The following CTNNA3 variants were observed in gnomAD, a reference collection of about 807,000 sequenced individuals.
CTNNA3 encodes the protein catenin alpha-3.
A neutral mutation model predicts 95.7 loss-of-function variants in CTNNA3; 76 were observed. The observed-to-expected ratio is 0.79, with a 90% CI of 0.66 to 0.96. The LOEUF (loss-of-function observed/expected upper bound fraction) is 0.96, where lower values mean the gene tolerates loss of function less well. Ranked by LOEUF, CTNNA3 falls within the 40% of genes least tolerant of loss-of-function variation. The pLI is 0.00. For synonymous variants in CTNNA3, 431 were observed against 374.4 expected, an observed-to-expected ratio of 1.15 and a Z score of -1.74; for missense variants, 1,191 against 1,089.8, an observed-to-expected ratio of 1.09 and a Z score of -1.31.
chr10:67,118,994 A>T (rs530348675), intron 7 of CTNNA3, among the ~76,000 whole-genome samples: 1 of 151,928 alleles, frequency 6.6e-6, no homozygotes, highest in Non-Finnish European at 1.5e-5. Context: ...TAACTTAGAT[A>T]CTTCCCCAAA....
chr10:66,966,071 C>T (rs916144375), intron 7 of CTNNA3, among the ~76,000 whole-genome samples: 2 of 152,094 alleles, frequency 1.3e-5, no homozygotes, highest in South Asian at 2.1e-4. Flanking sequence ...ACTTGAGAGG[C>T]CTGTACCTCA....
chr10:66,007,244 A>G (rs779270712), intron 15 of CTNNA3, among the ~76,000 whole-genome samples: 17 of 152,276 alleles, frequency 1.1e-4, no homozygotes, highest in Non-Finnish European at 2.2e-4. Flanking sequence ...CAATTTTTAA[A>G]GGGTACAATT....
chr10:67,079,412 T>G (rs1856918019), intron 7 of CTNNA3, among the ~76,000 whole-genome samples: 1 of 152,194 alleles, frequency 6.6e-6, no homozygotes, highest in African/African-American at 2.4e-5. Context: ...GCAATCTACA[T>G]AAAACATTTA....
intron 13 of CTNNA3, among the ~76,000 whole-genome samples, chr10:66,175,905 G>A (rs1029705500): frequency 3.9e-5 from 6 of 152,148 alleles, no homozygotes; most frequent in East Asian, 1.9e-4. Flanking sequence ...AATTATCTGC[G>A]CTGACAACTC....
At position 66,144,206 on chromosome 10, in the gene CTNNA3, G is replaced by A. The variant is rs181986102; in HGVS notation, c.1885-40957C>T. 5.1e-4 allele frequency among the ~76,000 whole-genome samples: 77 copies of A among 152,094 alleles called. 1 individual carries two copies. The East Asian group carries it at 0.012, about 24-fold the overall frequency. Reference sequence around the variant, plus strand: ...AATTGAGAGCAAAATGGAATTTATCGCAACTACCTCATGCATTTTTTCTTA... The same window carrying A: ...AATTGAGAGCAAAATGGAATTTATCACAACTACCTCATGCATTTTTTCTTA... On this transcript the variant is annotated intron_variant, in intron 13 of 17. Coordinates refer to ENST00000433211, the MANE Select transcript of CTNNA3 (RefSeq NM_013266.4).
chr10:67,638,076 A>G (rs1564800255), intron 2 of CTNNA3, among the ~76,000 whole-genome samples: 1 of 152,214 alleles, frequency 6.6e-6, no homozygotes, highest in Non-Finnish European at 1.5e-5. Flanking sequence ...GGCAAATTGG[A>G]TAAAGAGTCA....
intron 11 of CTNNA3, among the ~76,000 whole-genome samples, chr10:66,403,092 A>G (rs2093032652): frequency 6.6e-6 from 1 of 152,108 alleles, no homozygotes; most frequent in Non-Finnish European, 1.5e-5. Flanking sequence ...CCACCCTTTT[A>G]GGCCTAAACC....
At position 66,776,164 on chromosome 10, in the gene CTNNA3, G is replaced by A. The variant is rs770378043; in HGVS notation, c.1048-640C>T. 4.6e-5 allele frequency among the ~76,000 whole-genome samples: 7 copies of A among 152,124 alleles called. No individual in the cohort carries two copies. The East Asian group carries it at 1.3e-3, about 29-fold the overall frequency. ...TTAACCTAAATCTTTAGGCTATTAA[G>A]CACATAGAGAGTCACCTTGGTTGGT... On this transcript the variant is annotated intron_variant, in intron 7 of 17. Transcript: ENST00000433211.
intron 13 of CTNNA3, among the ~76,000 whole-genome samples, chr10:66,258,979 C>G (rs73317825): frequency 1.3e-5 from 2 of 152,160 alleles, no homozygotes; most frequent in Non-Finnish European, 2.9e-5. Flanking sequence ...AAAGTAACCA[C>G]TACTGGGCCA....
chr10:66,968,862 C>T (rs536593262), intron 7 of CTNNA3, among the ~76,000 whole-genome samples: 2 of 151,894 alleles, frequency 1.3e-5, no homozygotes, highest in African/African-American at 4.8e-5. Flanking sequence ...ACCAAAACTA[C>T]AAAAATTAGC....
At chr10:66,984,015 A>G (rs1465598328) in intron 7 of CTNNA3, among the ~76,000 whole-genome samples, 1 of 152,136 alleles carries the variant, frequency 6.6e-6, no homozygotes, top group Non-Finnish European at 1.5e-5. Context: ...GGTAGGCTAA[A>G]TATCTCCTGA....
chr10:66,038,395 A>T (rs879911648), intron 15 of CTNNA3, among the ~76,000 whole-genome samples: 2 of 152,168 alleles, frequency 1.3e-5, no homozygotes, highest in Non-Finnish European at 2.9e-5. Context: ...TTTGGAAGAC[A>T]GTAGCTTCGT....
intron 12 of CTNNA3, among the ~76,000 whole-genome samples, chr10:66,351,325 C>T (rs1020949603): frequency 6.6e-6 from 1 of 151,896 alleles, no homozygotes; most frequent in Non-Finnish European, 1.5e-5. Flanking sequence ...TAAGTATTTC[C>T]TCTAATTTTT....
At chr10:66,702,722 A>G (rs1363108957) in intron 9 of CTNNA3, among the ~76,000 whole-genome samples, 10 of 116,162 alleles carry the variant, frequency 8.6e-5, no homozygotes, top group African/African-American at 3.7e-4. Flanking sequence ...AAAAAAAAAA[A>G]AAAAAGAATA....
At chr10:66,990,459 T>C (rs1392646225) in intron 7 of CTNNA3, among the ~76,000 whole-genome samples, 2 of 152,210 alleles carry the variant, frequency 1.3e-5, no homozygotes, top group Non-Finnish European at 2.9e-5. Flanking sequence ...AATCACCATA[T>C]TATTCCAGGG....
chr10:67,628,886 C>G (rs970601506), intron 2 of CTNNA3, among the ~76,000 whole-genome samples: 1 of 151,570 alleles, frequency 6.6e-6, no homozygotes. Flanking sequence ...AAGCTCTTCC[C>G]AAATCCTGAA....
intron 5 of CTNNA3, among the ~76,000 whole-genome samples, chr10:67,490,703 A>T (rs1028116941): frequency 1.3e-5 from 2 of 152,154 alleles, no homozygotes; most frequent in African/African-American, 2.4e-5. Flanking sequence ...CATTGCAAAA[A>T]TAATGGAAAA....
At chr10:67,744,207 C>T (rs1564845030) in intron 1 of CTNNA3, among the ~76,000 whole-genome samples, 3 of 151,166 alleles carry the variant, frequency 2.0e-5, no homozygotes, top group African/African-American at 7.3e-5. Flanking sequence ...CAGTCCTAAG[C>T]CAAAAGAACA....
At position 66,504,608 on chromosome 10, in the gene CTNNA3, G is replaced by C. The variant is rs1414319010; in HGVS notation, c.1531+16009C>G. On this transcript the variant is annotated intron_variant, in intron 11 of 17. Coordinates refer to ENST00000433211, the MANE Select transcript of CTNNA3 (RefSeq NM_013266.4). ...AGGTAGGAACGTGCTGTGTGGCAAG[G>C]AGAAAATTTCCCTGTAATCCTTCAT... is the stretch of plus-strand genomic sequence containing the variant. 2.0e-5 allele frequency among the ~76,000 whole-genome samples: 3 copies of C among 152,138 alleles called. No individual in the cohort carries two copies. The East Asian group carries it at 5.8e-4, about 29-fold the overall frequency.
Sources: gnomAD v4.1 joint callset for allele counts (sites outside exome capture counted in the v4.1 genomes callset) on GRCh38, gnomAD v4.1.1 for gene constraint, MANE v1.5 for transcripts, NCBI Gene and HGNC (gene_info 2026-07-23, HGNC 2026-07-21) for gene names.